The following MORN1 variants were observed in gnomAD, a reference collection of about 807,000 sequenced individuals.
MORN1 encodes the protein MORN repeat containing 1, also known as MORN repeat-containing protein 1.
MORN1 carries 67 observed loss-of-function variants against 61.9 expected under a neutral mutation model. The ratio of observed to expected loss-of-function variants is 1.08; its 90% CI spans 0.89 to 1.33. MORN1 has a LOEUF of 1.33. MORN1 is among the 40% of genes most tolerant of loss of function. The pLI is 0.00. For synonymous variants in MORN1, 301 were observed against 292.0 expected (o/e 1.03, Z -0.31); for missense variants, 752 against 691.2 (o/e 1.09, Z -0.99).
chr1:2,339,508 G>A (rs370550548), intron 10 of MORN1, among the ~76,000 whole-genome samples: 2 of 152,270 alleles, frequency 1.3e-5, no homozygotes, highest in East Asian at 1.9e-4. Flanking sequence ...GGTCAGCCTC[G>A]TTGCCCCTGC....
intron 2 of MORN1, among the ~76,000 whole-genome samples, chr1:2,389,683 A>G (rs1642594967): frequency 6.6e-6 from 1 of 152,218 alleles, no homozygotes; most frequent in African/African-American, 2.4e-5. Context: ...AATGAACTCA[A>G]CCTCTAGGGA....
At chr1:2,386,610 G>C (rs1479558367) in intron 4 of MORN1, 1 of 152,642 alleles carries the variant, frequency 6.6e-6, no homozygotes, top group Non-Finnish European at 1.5e-5. Flanking sequence ...TGTATTTTTA[G>C]TAGAGTCGGA....
chr1:2,351,583 G>A lies in MORN1; in HGVS notation c.1036+5849C>T, dbSNP rs372802824. 31 of 244,398 alleles carry A rather than the reference G, an allele frequency of 1.3e-4. No individual in the cohort carries two copies. The East Asian group carries it at 2.3e-3, about 19-fold the overall frequency. The allele number at this position is 244,398 out of a possible 1,614,324, so 15.1% of individuals were successfully genotyped here. A position where few individuals can be genotyped will look rare whatever the true frequency, so the allele number is the denominator to read the frequency against. On this transcript the variant is annotated intron_variant, in intron 10 of 13. Transcript: ENST00000378531. ...TGTCTCTGTGTGGCCTGGTGTGGCC[G>A]GGCCGTGTAACCAAGCTCTGAGCAA...
chr1:2,325,806 G>A (rs1340030827), intron 12 of MORN1, among the ~76,000 whole-genome samples: 3 of 149,746 alleles, frequency 2.0e-5, no homozygotes, highest in Admixed American at 6.6e-5. Context: ...ATTTTTTTGT[G>A]TGGGGATGGG....
chr1:2,324,427 C>T (rs1349934506), intron 12 of MORN1, among the ~76,000 whole-genome samples: 3 of 152,198 alleles, frequency 2.0e-5, no homozygotes, highest in African/African-American at 4.8e-5. Context: ...GACCGACCAC[C>T]CCATTTCCAC....
chr1:2,387,270 CGGA>C, intron 4 of MORN1, 146 bp downstream of exon 4: 1 of 675,778 alleles, frequency 1.5e-6, no homozygotes, highest in South Asian at 1.6e-5. Context: ...CCTGGTGGTG[CGGA>C]GAAGAGGGCA....
intron 10 of MORN1, among the ~76,000 whole-genome samples, chr1:2,346,033 A>ACAAAGCCACCAGGAACCTTCCTCAGG: frequency 6.6e-6 from 1 of 151,608 alleles, no homozygotes; most frequent in African/African-American, 2.4e-5. Context: ...CCTTCCTCAG[A>ACAAAGCCACCAGGAACCTTCCTCAGG]CAAAGCCACC....
chr1:2,323,085 G>A (rs1179865269), intron 13 of MORN1: 6 of 985,286 alleles, frequency 6.1e-6, no homozygotes, highest in South Asian at 9.4e-5. Context: ...AGGTGCCAGC[G>A]CCTAGCCGAT....
At chr1:2,368,173 A>G (rs1196581253) in intron 8 of MORN1, among the ~76,000 whole-genome samples, 2 of 152,256 alleles carry the variant, frequency 1.3e-5, no homozygotes, top group Non-Finnish European at 2.9e-5. Flanking sequence ...GAATATGTCA[A>G]GAACTCTTAC....
chr1:2,336,873 G>A (rs762618130), intron 10 of MORN1, 23 bp from the exon 11 acceptor site: 1 of 1,539,422 alleles, frequency 6.5e-7, no homozygotes, highest in African/African-American at 1.4e-5. Flanking sequence ...AATGAAGAAA[G>A]ACCCTATGAG....
chr1:2,336,574 G>A (rs764522106), intron 11 of MORN1, 26 bp from the exon 12 acceptor site: 6 of 1,611,656 alleles, frequency 3.7e-6, no homozygotes, highest in Non-Finnish European at 5.1e-6. Flanking sequence ...AGGAGGAGGG[G>A]AGAAGGAAAG....
intron 10 of MORN1, among the ~76,000 whole-genome samples, chr1:2,340,712 A>G (rs1641376513): frequency 6.6e-6 from 1 of 152,134 alleles, no homozygotes; most frequent in African/African-American, 2.4e-5. Flanking sequence ...GCCACCACAC[A>G]GGCCACGACG....
chr1:2,330,562 C>G (rs536621444), intron 12 of MORN1, among the ~76,000 whole-genome samples: 1 of 152,304 alleles, frequency 6.6e-6, no homozygotes, highest in Admixed American at 6.5e-5. Context: ...CATCCACGAT[C>G]TTTTCAAGTA....
At chr1:2,359,619 AC>A (rs1187215963) in intron 8 of MORN1, among the ~76,000 whole-genome samples, 6 of 152,188 alleles carry the variant, frequency 3.9e-5, no homozygotes, top group Admixed American at 6.5e-5. Context: ...GTGGTGGCTC[AC>A]CCCTGTCATC....
intron 10 of MORN1, among the ~76,000 whole-genome samples, chr1:2,346,012 G>GCCACCAGGAACCTTCCTCAGACAAAA (rs1641508734): frequency 6.6e-6 from 1 of 151,828 alleles, no homozygotes; most frequent in African/African-American, 2.4e-5. Flanking sequence ...CTCAGACAAA[G>GCCACCAGGAACCTTCCTCAGACAAAA]CCACCAGGAA....
intron 10 of MORN1, among the ~76,000 whole-genome samples, chr1:2,348,566 C>A (rs929803631): frequency 6.6e-6 from 1 of 152,130 alleles, no homozygotes; most frequent in African/African-American, 2.4e-5. Context: ...ACGGGCCCTG[C>A]CAGAGCCGGA....
intron 13 of MORN1, chr1:2,322,262 CCT>C: frequency 1.0e-6 from 1 of 985,442 alleles, no homozygotes; most frequent in Non-Finnish European, 1.2e-6. Flanking sequence ...TAGAAACCAT[CCT>C]CTCCCCTCCC....
chr1:2,322,441 G>A (rs1640903240), intron 13 of MORN1: 1 of 985,298 alleles, frequency 1.0e-6, no homozygotes, highest in African/African-American at 1.7e-5. Context: ...CCCTCGCAGA[G>A]CGGCGGCCTC....
chr1:2,322,293 G>A (rs1640899092), intron 13 of MORN1: 1 of 985,306 alleles, frequency 1.0e-6, no homozygotes, highest in African/African-American at 1.7e-5. Flanking sequence ...GCCGGGGCTG[G>A]CACCGGAGCG....
Sources: allele counts gnomAD v4.1 joint callset (sites outside exome capture counted in the v4.1 genomes callset), GRCh38; gene constraint gnomAD v4.1.1; transcripts MANE v1.5; gene names NCBI Gene and HGNC (gene_info 2026-07-23, HGNC 2026-07-21).